Variants in PMPCA observed in about 807,000 individuals in gnomAD.
PMPCA encodes mitochondrial-processing peptidase subunit alpha.
PMPCA carries 47 observed loss-of-function variants against 59.3 expected under a neutral mutation model. The observed-to-expected ratio is 0.79, with a 90% CI of 0.63 to 1.01. The LOEUF (loss-of-function observed/expected upper bound fraction) is 1.01, where lower values mean the gene tolerates loss of function less well. Among genes scored for constraint, PMPCA ranks in the 50% least tolerant of loss-of-function variants. PMPCA has a pLI of 0.00. For synonymous variants in PMPCA, 338 were observed against 290.3 expected (o/e 1.16, Z -1.67); for missense variants, 726 against 704.5 (o/e 1.03, Z -0.34).
At chr9:136,422,591 C>T (rs906796421) in intron 12 of PMPCA, 93 of 1,010,324 alleles carry the variant, frequency 9.2e-5, no homozygotes, top group Admixed American at 5.8e-4. Context: ...CGTGTGGGCC[C>T]TCGTCCTTCC....
intron 11 of PMPCA, 148 bp downstream of exon 11, chr9:136,419,254 G>T: frequency 1.3e-6 from 1 of 777,434 alleles, no homozygotes; most frequent in Non-Finnish European, 2.3e-6. Context: ...CGGCCAAGGA[G>T]GCACAGCCTG....
In PMPCA at chr9:136,423,316, C is replaced by T. The variant is rs11545501; in HGVS notation, c.*52C>T. 0.026 allele frequency: 40,340 copies of T among 1,556,920 alleles called. 707 individuals are homozygous for T. The highest frequency in any genetic ancestry group is 0.085 in the Middle Eastern group (460 of 5,438). ...GGGAGCTGCAGCTGGAGCCCGTTCC[C>T]GTGCGTGTTAGTTTGGACACGAATT... On this transcript the variant is annotated 3_prime_UTR_variant, in exon 13 of 13. Coordinates refer to ENST00000371717, the MANE Select transcript of PMPCA (RefSeq NM_015160.3).
intron 4 of PMPCA, among the ~76,000 whole-genome samples, chr9:136,414,352 G>A (rs1835214185): frequency 6.6e-6 from 1 of 152,212 alleles, no homozygotes; most frequent in African/African-American, 2.4e-5. Context: ...CAAAGCCCAA[G>A]CGTCCCTGAA....
chr9:136,413,075 G>A (rs1835180018), intron 4 of PMPCA, 183 bp downstream of exon 4: 2 of 549,920 alleles, frequency 3.6e-6, no homozygotes, highest in African/African-American at 3.9e-5. Context: ...GCCCCCAGGA[G>A]CTCAGTTGAC....
intron 1 of PMPCA, chr9:136,411,111 G>C (rs1314682378): frequency 4.3e-6 from 1 of 230,664 alleles, no homozygotes; most frequent in Non-Finnish European, 8.4e-6. Flanking sequence ...CCAGGGTCCA[G>C]GCTCTCGGTT....
chr9:136,421,404 GTTTTTTTT>G (rs57128281), intron 11 of PMPCA, among the ~76,000 whole-genome samples: 8,902 of 118,004 alleles, frequency 0.075, 943 homozygotes, highest in African/African-American at 0.26. Flanking sequence ...CTGGGTTCCC[GTTTTTTTT>G]TTTTTTTTTT....
chr9:136,423,522 G>A lies in PMPCA; in HGVS notation c.*258G>A. The A allele has an allele frequency of 2.2e-6, 1 of 455,370 alleles. No individual in the cohort carries two copies. The highest frequency in any genetic ancestry group is 4.0e-6 in the Non-Finnish European group (1 of 250,702). 28.2% of individuals were successfully genotyped at this position (455,370 alleles called of 1,614,324 possible). The stretch of plus-strand genomic sequence containing the variant: ...TGGAGTGCAGCGTGCCACGAGGAGG[G>A]CGGTCGGTGCTTCCCTCCTCGGGCT... On this transcript the variant is annotated 3_prime_UTR_variant, in exon 13 of 13. Coordinates refer to ENST00000371717, the MANE Select transcript of PMPCA (RefSeq NM_015160.3).
chr9:136,414,591 G>T lies in PMPCA; in HGVS notation c.476G>T (p.Gly159Val), dbSNP rs143813417. 4.9e-4 allele frequency: 792 copies of T among 1,613,620 alleles called. 1 individual carries two copies. The highest frequency in any genetic ancestry group is 1.3e-3 in the Middle Eastern group (8 of 6,078). The change falls in exon 5 of 13, where the codon GGC (glycine) becomes GTC (valine). Residue 159 changes from glycine to valine, a missense_variant. Physicochemically the swap from Gly to Val is moderately radical, Grantham distance 109 (BLOSUM62 -3). Coordinates refer to ENST00000371717, the MANE Select transcript of PMPCA (RefSeq NM_015160.3). Reference protein sequence around the residue: ...TMYAVSADSKGLDTVVALLAD... With the variant: ...TMYAVSADSKVLDTVVALLAD... ...TATGCTGTGTCTGCTGATAGCAAAG[G>T]CTTGGACACGGTGGTTGCCTTACTG...
rs780002734 is a variant in PMPCA, at chr9:136,416,929, G to A, written c.634-22G>A. 2.5e-6 allele frequency: 4 copies of A among 1,592,982 alleles called. No individual in the cohort carries two copies. In the African/African-American group the frequency reaches 5.4e-5, roughly 21 times the overall value. ...GGTCATGCTGTCTTCAGTCACCTGTGTCTGTGGCTCTTCCCCATTAGGCGG... is the reference window on the plus strand; with the variant it reads ...GGTCATGCTGTCTTCAGTCACCTGTATCTGTGGCTCTTCCCCATTAGGCGG... On this transcript the variant is annotated intron_variant, in intron 6 of 12. Coordinates refer to ENST00000371717, the MANE Select transcript of PMPCA (RefSeq NM_015160.3).
chr9:136,422,459 C>T (rs1480121453), intron 12 of PMPCA: 1 of 1,061,584 alleles, frequency 9.4e-7, no homozygotes, highest in Non-Finnish European at 1.1e-6. Context: ...GCATCGGACT[C>T]TTCTGGGGGA....
intron 11 of PMPCA, 37 bp downstream of exon 11, chr9:136,419,143 T>C (rs1310236179): frequency 6.3e-7 from 1 of 1,580,768 alleles, no homozygotes; most frequent in Admixed American, 1.7e-5. Flanking sequence ...GGCGTACCTG[T>C]GGTGTCTGAC....
intron 11 of PMPCA, chr9:136,420,062 T>G (rs1835405598): frequency 6.8e-6 from 1 of 147,354 alleles, no homozygotes; most frequent in African/African-American, 2.5e-5. Flanking sequence ...CACTGCATCC[T>G]TCCACCTCCC....
At chr9:136,416,511 A>T (rs1216734908) in intron 6 of PMPCA, 120 bp downstream of exon 6, 5 of 763,978 alleles carry the variant, frequency 6.5e-6, no homozygotes, top group Admixed American at 4.0e-5. Flanking sequence ...TATACAGAAC[A>T]TTTTTTTGTT....
At chr9:136,422,533 G>T (rs535318335) in intron 12 of PMPCA, 172 of 1,016,006 alleles carry the variant, frequency 1.7e-4, no homozygotes, top group East Asian at 5.8e-4. Context: ...GGTGTCACCT[G>T]TGGGCATCTC....
chr9:136,415,750 A>G (rs1835255897), intron 5 of PMPCA, among the ~76,000 whole-genome samples: 1 of 152,206 alleles, frequency 6.6e-6, no homozygotes, highest in Non-Finnish European at 1.5e-5. Context: ...CTCCTGCCTC[A>G]GCCTCCTGAG....
chr9:136,417,132 T>G lies in PMPCA; in HGVS notation c.815T>G (p.Leu272Arg). The change falls in exon 7 of 13, where the codon CTG becomes CGG. Residue 272 changes from leucine (L) to arginine (R), a missense_variant. Leu to Arg is a moderately radical substitution (Grantham distance 102). Coordinates refer to ENST00000371717, the MANE Select transcript of PMPCA (RefSeq NM_015160.3). ...GTGGACTGTGCCCGGAAGTACCTCC[T>G]GGGGGTCCAGCCGGCCTGGGGGAGC... is the stretch of plus-strand genomic sequence containing the variant. ...HLVDCARKYL[L>R]GVQPAWGSAE... 1 of 1,613,320 alleles carries G rather than the reference T, an allele frequency of 6.2e-7. No individual in the cohort carries two copies. Among genetic ancestry groups the G allele is most frequent in the Non-Finnish European group, 8.5e-7 (1 of 1,179,676 alleles).
At chr9:136,418,790 G>C (rs201068511) in intron 9 of PMPCA, 38 bp from the exon 10 acceptor site, 19 of 1,551,366 alleles carry the variant, frequency 1.2e-5, no homozygotes, top group Admixed American at 1.7e-5. Context: ...TGATCCTGGC[G>C]AGTCCCCTTC....
intron 1 of PMPCA, 30 bp downstream of exon 1, chr9:136,410,769 T>G: frequency 7.2e-7 from 1 of 1,385,594 alleles, no homozygotes; most frequent in South Asian, 1.8e-5. Flanking sequence ...GGCTTCGGCC[T>G]GGGGCGGGGG....
chr9:136,422,655 C>T (rs557547889), intron 12 of PMPCA: 16 of 1,010,412 alleles, frequency 1.6e-5, no homozygotes, highest in Middle Eastern at 5.1e-4. Context: ...TCTCGGGCCT[C>T]GTTTTCTGTA....
Sources: gnomAD v4.1 joint callset for allele counts (sites outside exome capture counted in the v4.1 genomes callset) on GRCh38, gnomAD v4.1.1 for gene constraint, MANE v1.5 for transcripts, NCBI Gene and HGNC (gene_info 2026-07-23, HGNC 2026-07-21) for gene names.